BCL2: variants seen among roughly 807,000 people sequenced by gnomAD.
BCL2 encodes BCL2 apoptosis regulator.
BCL2 carries 1 observed loss-of-function variant against 14.2 expected under a neutral mutation model. That is an observed-to-expected ratio of 0.07 (90% confidence interval 0.02 to 0.33). The LOEUF (loss-of-function observed/expected upper bound fraction) is 0.33, where lower values mean the gene tolerates loss of function less well. Ranked by LOEUF, BCL2 falls within the 10% of genes least tolerant of loss-of-function variation. BCL2 has a pLI of 0.99. For missense variants in BCL2, 247 were observed against 305.9 expected (o/e 0.81, Z 1.44); for synonymous variants, 151 against 137.2 (o/e 1.10, Z -0.70).
At chr18:63,287,138 T>C (rs1912498733) in intron 2 of BCL2, among the ~76,000 whole-genome samples, 1 of 152,170 alleles carries the variant, frequency 6.6e-6, no homozygotes, top group Non-Finnish European at 1.5e-5. Flanking sequence ...TAGGCCACCA[T>C]TTCTTACTCA....
chr18:63,240,694 C>T (rs4941189), intron 2 of BCL2, among the ~76,000 whole-genome samples: 100,908 of 152,208 alleles, frequency 0.66, 35,773 homozygotes, highest in Non-Finnish European at 0.79. Context: ...CTGCCTTTGT[C>T]GGAGGCTCTC....
chr18:63,218,534 C>T (rs1221911226), intron 2 of BCL2, among the ~76,000 whole-genome samples: 1 of 149,110 alleles, frequency 6.7e-6, no homozygotes, highest in Non-Finnish European at 1.5e-5. Flanking sequence ...TCTTATCTCT[C>T]CACAACCTCC....
chr18:63,231,694 G>A (rs913162295), intron 2 of BCL2, among the ~76,000 whole-genome samples: 1 of 151,994 alleles, frequency 6.6e-6, no homozygotes, highest in Non-Finnish European at 1.5e-5. Flanking sequence ...AAACTCATAA[G>A]ACCTAAATAA....
rs1023117566 is a variant in BCL2, at chr18:63,212,264, G to C, written c.586-83505C>G. 4.6e-5 allele frequency among the ~76,000 whole-genome samples: 7 copies of C among 151,610 alleles called. 1 individual carries two copies. The highest frequency in any genetic ancestry group is 1.9e-4 in the East Asian group (1 of 5,170). On this transcript the variant is annotated intron_variant, in intron 2 of 2. Transcript: ENST00000333681. ...AATTGCTTGAACCCAGGAGGCAGAG[G>C]TTGCAGTGAGCCAAGAGCATGCCAC...
At chr18:63,168,183 A>T (rs1339970254) in intron 2 of BCL2, among the ~76,000 whole-genome samples, 1 of 152,220 alleles carries the variant, frequency 6.6e-6, no homozygotes, top group Non-Finnish European at 1.5e-5. Flanking sequence ...TGTTCCATCC[A>T]TTGCCAATGT....
intron 2 of BCL2, among the ~76,000 whole-genome samples, chr18:63,158,468 C>T (rs1047171813): frequency 7.9e-5 from 12 of 151,994 alleles, no homozygotes; most frequent in South Asian, 2.1e-4. Context: ...CTGGACCCTC[C>T]GAGACCCCCA....
rs917177031 is a variant in BCL2 at position 63,148,229 on chromosome 18, T to TTC, written c.586-19472_586-19471dup. On this transcript the variant is annotated intron_variant, in intron 2 of 2. Transcript: ENST00000333681. Reference sequence around the variant, plus strand: ...GAACCAAAAGAGAAGAATATCCATTTTCTCTCTCTCTCTCTTTTCCATTTT... The same window carrying TTC: ...GAACCAAAAGAGAAGAATATCCATTTTCTCTCTCTCTCTCTCTTTTCCATTTT... Among the ~76,000 whole-genome samples, 193 of 152,042 alleles carry TTC rather than the reference T, an allele frequency of 1.3e-3. 1 individual carries two copies. Among genetic ancestry groups the TTC allele is most frequent in the Non-Finnish European group, 9.9e-4 (67 of 67,960 alleles).
chr18:63,252,042 A>G (rs1911334254), intron 2 of BCL2, among the ~76,000 whole-genome samples: 1 of 152,172 alleles, frequency 6.6e-6, no homozygotes, highest in Non-Finnish European at 1.5e-5. Flanking sequence ...ATTTTTATTC[A>G]ATCTTAAGTA....
At chr18:63,209,013 G>A (rs1053635108) in intron 2 of BCL2, among the ~76,000 whole-genome samples, 3 of 152,236 alleles carry the variant, frequency 2.0e-5, no homozygotes, top group African/African-American at 7.2e-5. Context: ...TGTCAGCTCA[G>A]AGCCAGTCAC....
chr18:63,269,532 C>T (rs550994433), intron 2 of BCL2, among the ~76,000 whole-genome samples: 2 of 152,144 alleles, frequency 1.3e-5, no homozygotes, highest in South Asian at 4.2e-4. Context: ...AAATCTCAAC[C>T]CATAGAAAAA....
intron 2 of BCL2, among the ~76,000 whole-genome samples, chr18:63,137,778 A>G (rs899965): frequency 0.94 from 143,626 of 152,314 alleles, 68,291 homozygotes; most frequent in East Asian, 1. Flanking sequence ...GACTGCTGCT[A>G]TGTTTGGAGT....
intron 2 of BCL2, among the ~76,000 whole-genome samples, chr18:63,299,458 C>G (rs1308423917): frequency 6.6e-6 from 1 of 152,256 alleles, no homozygotes; most frequent in African/African-American, 2.4e-5. Flanking sequence ...ACCTTCCCAT[C>G]TGGCCTCCTT....
At chr18:63,146,455 A>T (rs1914515510) in intron 2 of BCL2, among the ~76,000 whole-genome samples, 1 of 152,238 alleles carries the variant, frequency 6.6e-6, no homozygotes. Context: ...TGGAAGTCTG[A>T]CAGGACGCCA....
At chr18:63,294,062 TCAGCGC>T (rs553825724) in intron 2 of BCL2, among the ~76,000 whole-genome samples, 1 of 152,298 alleles carries the variant, frequency 6.6e-6, no homozygotes, top group East Asian at 1.9e-4. Context: ...AGAGAATAAT[TCAGCGC>T]CTTATTTTGT....
At chr18:63,167,816 C>T (rs547469140) in intron 2 of BCL2, among the ~76,000 whole-genome samples, 1 of 151,892 alleles carries the variant, frequency 6.6e-6, no homozygotes, top group Non-Finnish European at 1.5e-5. Flanking sequence ...GTCCCACCTA[C>T]TCAGGAGGCT....
rs562528530 is a variant in BCL2, at chr18:63,227,004, G to T, written c.585+91078C>A. On this transcript the variant is annotated intron_variant, in intron 2 of 2. Transcript: ENST00000333681. ...GTGAATGTCAGGAATTCTTAGTCTT[G>T]AATCCCAAGCAGGATTGTGGTGAAA... 2.6e-5 allele frequency among the ~76,000 whole-genome samples: 4 copies of T among 151,950 alleles called. No homozygotes were observed. In the East Asian group the frequency reaches 7.7e-4, roughly 29 times the overall value.
At chr18:63,142,435 C>T (rs1413559738) in intron 2 of BCL2, among the ~76,000 whole-genome samples, 3 of 152,320 alleles carry the variant, frequency 2.0e-5, no homozygotes, top group Non-Finnish European at 2.9e-5. Context: ...AGACATCTGT[C>T]GAGGACCAGA....
At chr18:63,147,568 C>A (rs1914544361) in intron 2 of BCL2, among the ~76,000 whole-genome samples, 1 of 152,146 alleles carries the variant, frequency 6.6e-6, no homozygotes, top group South Asian at 2.1e-4. Context: ...AAACACAAGC[C>A]AAAATCTTCA....
chr18:63,313,724 C>A (rs1913406986), intron 2 of BCL2: 1 of 152,182 alleles, frequency 6.6e-6, no homozygotes, highest in Admixed American at 6.5e-5. Flanking sequence ...CACCCACACA[C>A]TCGCTCATGA....
Sources: allele counts gnomAD v4.1 joint callset (sites outside exome capture counted in the v4.1 genomes callset), GRCh38; gene constraint gnomAD v4.1.1; transcripts MANE v1.5; gene names NCBI Gene and HGNC (gene_info 2026-07-23, HGNC 2026-07-21).